Variants in ST6GALNAC3 observed in about 807,000 individuals in gnomAD.
ST6GALNAC3 encodes the protein ST6 N-acetylgalactosaminide alpha-2,6-sialyltransferase 3, also known as alpha-N-acetylgalactosaminide alpha-2,6-sialyltransferase 3.
Under a neutral mutation model 32.7 loss-of-function variants are expected in ST6GALNAC3, and 25 were observed. The ratio of observed to expected loss-of-function variants is 0.76; its 90% confidence interval spans 0.56 to 1.07. The LOEUF is 1.07. Among genes scored for constraint, ST6GALNAC3 ranks in the 50% least tolerant of loss-of-function variants. The pLI is 0.00. For synonymous variants in ST6GALNAC3, 129 were observed against 133.1 expected (o/e 0.97, Z 0.21); for missense variants, 355 against 382.4 (o/e 0.93, Z 0.60).
intron 1 of ST6GALNAC3, among the ~76,000 whole-genome samples, chr1:76,080,426 C>T (rs1003293045): frequency 6.6e-6 from 1 of 151,780 alleles, no homozygotes; most frequent in Non-Finnish European, 1.5e-5. Flanking sequence ...GATTAGTTTG[C>T]TCCTTAAATT....
At chr1:76,587,789 C>T (rs902883446) in intron 3 of ST6GALNAC3, among the ~76,000 whole-genome samples, 22 of 152,082 alleles carry the variant, frequency 1.4e-4, no homozygotes, top group African/African-American at 4.6e-4. Context: ...GATCAAGAGA[C>T]GTGGCATGTG....
At chr1:76,117,133 T>A (rs1648532596) in intron 1 of ST6GALNAC3, among the ~76,000 whole-genome samples, 1 of 152,208 alleles carries the variant, frequency 6.6e-6, no homozygotes, top group Non-Finnish European at 1.5e-5. Context: ...CTGTCACTAA[T>A]GTAAAATTAT....
At chr1:76,371,084 C>G (rs1474816208) in intron 2 of ST6GALNAC3, among the ~76,000 whole-genome samples, 2 of 152,084 alleles carry the variant, frequency 1.3e-5, no homozygotes, top group Non-Finnish European at 2.9e-5. Flanking sequence ...ATCCCCAGCA[C>G]CTAGAACAAT....
At chr1:76,120,716 C>T (rs1380489504) in intron 1 of ST6GALNAC3, among the ~76,000 whole-genome samples, 1 of 152,150 alleles carries the variant, frequency 6.6e-6, no homozygotes, top group Non-Finnish European at 1.5e-5. Flanking sequence ...ACAGAGGTCC[C>T]AACTCCTGCT....
chr1:76,438,386 G>A (rs1386094636), intron 3 of ST6GALNAC3, among the ~76,000 whole-genome samples: 1 of 151,984 alleles, frequency 6.6e-6, no homozygotes, highest in African/African-American at 2.4e-5. Flanking sequence ...TGATCCACCC[G>A]CCTCGGCCTC....
At chr1:76,179,299 T>C (rs529338911) in intron 1 of ST6GALNAC3, among the ~76,000 whole-genome samples, 1 of 152,348 alleles carries the variant, frequency 6.6e-6, no homozygotes, top group South Asian at 2.1e-4. Context: ...GCAAATGGCT[T>C]ACTGTCCTTC....
chr1:76,190,979 T>C (rs1653863036), intron 1 of ST6GALNAC3, among the ~76,000 whole-genome samples: 1 of 152,150 alleles, frequency 6.6e-6, no homozygotes, highest in Non-Finnish European at 1.5e-5. Flanking sequence ...TTGTTAAAAA[T>C]TCAGAGTTGC....
At chr1:76,352,792 C>A (rs1197626684) in intron 2 of ST6GALNAC3, among the ~76,000 whole-genome samples, 1 of 152,118 alleles carries the variant, frequency 6.6e-6, no homozygotes, top group Non-Finnish European at 1.5e-5. Context: ...TACATTCCTC[C>A]TCGTTCCTAT....
intron 1 of ST6GALNAC3, among the ~76,000 whole-genome samples, chr1:76,177,449 T>C (rs439624): frequency 0.92 from 139,481 of 152,142 alleles, 65,190 homozygotes; most frequent in East Asian, 1. Flanking sequence ...TTCTAATTGG[T>C]CTGTGTTTTA....
chr1:76,344,278 C>T (rs12069012), intron 2 of ST6GALNAC3, among the ~76,000 whole-genome samples: 2 of 152,008 alleles, frequency 1.3e-5, no homozygotes, highest in Admixed American at 6.5e-5. Flanking sequence ...TCTGGGAAGA[C>T]ATGAAAGCCT....
chr1:76,434,337 T>G (rs1655979510), intron 3 of ST6GALNAC3, among the ~76,000 whole-genome samples: 2 of 152,230 alleles, frequency 1.3e-5, no homozygotes, highest in Admixed American at 1.3e-4. Context: ...TTCATGACTA[T>G]AAACTGTCAT....
At chr1:76,512,447 CTTT>C (rs1180568199) in intron 3 of ST6GALNAC3, among the ~76,000 whole-genome samples, 2 of 151,894 alleles carry the variant, frequency 1.3e-5, no homozygotes, top group Admixed American at 6.6e-5. Context: ...ACTTCTAAAA[CTTT>C]TTTATTGACA....
chr1:76,304,884 A>T (rs1660949939), intron 1 of ST6GALNAC3, among the ~76,000 whole-genome samples: 1 of 152,066 alleles, frequency 6.6e-6, no homozygotes, highest in Admixed American at 6.6e-5. Context: ...ATGGATTCTA[A>T]GAGACAAACT....
intron 3 of ST6GALNAC3, among the ~76,000 whole-genome samples, chr1:76,534,521 C>T (rs1663476066): frequency 2.0e-5 from 3 of 152,142 alleles, no homozygotes; most frequent in Admixed American, 6.6e-5. Flanking sequence ...TAATTATATG[C>T]TGTTTTGTAT....
chr1:76,309,019 G>T (rs1646697909), intron 1 of ST6GALNAC3, among the ~76,000 whole-genome samples: 1 of 152,078 alleles, frequency 6.6e-6, no homozygotes, highest in African/African-American at 2.4e-5. Flanking sequence ...CCTCTGCCTG[G>T]AATGCCCTTC....
At chr1:76,581,006 T>C (rs930170435) in intron 3 of ST6GALNAC3, among the ~76,000 whole-genome samples, 3 of 152,062 alleles carry the variant, frequency 2.0e-5, no homozygotes, top group African/African-American at 7.2e-5. Context: ...CTGGAGAGGG[T>C]GGAGGTAGCA....
intron 1 of ST6GALNAC3, among the ~76,000 whole-genome samples, chr1:76,123,577 G>A (rs1387314867): frequency 6.6e-6 from 1 of 151,888 alleles, no homozygotes; most frequent in Non-Finnish European, 1.5e-5. Context: ...TGCTTGGTCA[G>A]GAATAGCTGG....
At chr1:76,618,839 C>T (rs773387072) in intron 3 of ST6GALNAC3, among the ~76,000 whole-genome samples, 1 of 152,174 alleles carries the variant, frequency 6.6e-6, no homozygotes, top group Non-Finnish European at 1.5e-5. Context: ...TTATACCTAT[C>T]ACAGCAAGTC....
At chr1:76,166,749 A>C (rs1166668350) in intron 1 of ST6GALNAC3, among the ~76,000 whole-genome samples, 1 of 151,950 alleles carries the variant, frequency 6.6e-6, no homozygotes, top group Non-Finnish European at 1.5e-5. Flanking sequence ...TAAGTATTTT[A>C]TTATTTTTAT....
Sources: allele counts gnomAD v4.1 joint callset (sites outside exome capture counted in the v4.1 genomes callset), GRCh38; gene constraint gnomAD v4.1.1; transcripts MANE v1.5; gene names NCBI Gene and HGNC (gene_info 2026-07-23, HGNC 2026-07-21).